Variants in FBXO34 observed in about 807,000 individuals in gnomAD.
FBXO34 encodes the protein F-box only protein 34.
Under a neutral mutation model 24.5 loss-of-function variants are expected in FBXO34, and 12 were observed. That is an observed-to-expected ratio of 0.49 (90% CI 0.31 to 0.79). The LOEUF (loss-of-function observed/expected upper bound fraction) is 0.79, where lower values mean the gene tolerates loss of function less well. FBXO34 is among the 30% of genes least tolerant of loss of function. The pLI is 0.04. For missense variants in FBXO34, 823 were observed against 857.7 expected, an observed-to-expected ratio of 0.96 and a Z score of 0.51; for synonymous variants, 320 against 311.9, an observed-to-expected ratio of 1.03 and a Z score of -0.27.
At chr14:55,402,893 CAAAAAAAAAAAAAAAAAAAA>C in the FBXO34 span, among the ~76,000 whole-genome samples, 4 of 11,100 alleles carry the variant, frequency 3.6e-4, no homozygotes, top group Non-Finnish European at 4.7e-4. Flanking sequence ...TCCATCTCTA[CAAAAAAAAAAAAAAAAAAAA>C]AAAAAAAAAA....
intron 1 of FBXO34, chr14:55,339,387 C>CCG (rs1555339090): frequency 2.7e-5 from 4 of 145,782 alleles, no homozygotes; most frequent in African/African-American, 1.0e-4. Flanking sequence ...TGCCCCCCCC[C>CCG]CCAATCCTGG....
chr14:55,279,310 T>C (rs904634347), intron 1 of FBXO34, among the ~76,000 whole-genome samples: 4 of 149,994 alleles, frequency 2.7e-5, no homozygotes, highest in African/African-American at 9.8e-5. Context: ...GGAAAAAATA[T>C]ATTTAGTGGG....
the FBXO34 span, among the ~76,000 whole-genome samples, chr14:55,431,050 C>T: frequency 2.6e-5 from 4 of 152,298 alleles, no homozygotes; most frequent in East Asian, 7.7e-4. Context: ...ATCTTAAAAT[C>T]TCACCCATAC....
chr14:55,354,793 C>G (rs1407757176), downstream of FBXO34, among the ~76,000 whole-genome samples: 1 of 152,150 alleles, frequency 6.6e-6, no homozygotes, highest in African/African-American at 2.4e-5. Context: ...AGATGCTGTT[C>G]TTCAGGGCCC....
chr14:55,282,014 T>TG, intron 1 of FBXO34, among the ~76,000 whole-genome samples: 2 of 138,908 alleles, frequency 1.4e-5, no homozygotes, highest in African/African-American at 5.2e-5. Context: ...TTTTTTTTTT[T>TG]TGATACAGAG....
chr14:55,300,664 T>C (rs67514154), intron 1 of FBXO34, among the ~76,000 whole-genome samples: 60,253 of 152,076 alleles, frequency 0.4, 12,203 homozygotes, highest in Non-Finnish European at 0.43. Flanking sequence ...ACATCTGTGG[T>C]TCAGTTCAAC....
chr14:55,352,671 A>T lies in FBXO34; in HGVS notation c.*145A>T. ...ACTGCATTGCTCAGGCATTTTCTAAACTCTAAATTTACGAGCTGTACAAAA... is the reference window on the plus strand; with the variant it reads ...ACTGCATTGCTCAGGCATTTTCTAATCTCTAAATTTACGAGCTGTACAAAA... On this transcript the variant is annotated 3_prime_UTR_variant, in exon 2 of 2. Transcript: ENST00000313833. 1 of 692,762 alleles carries T rather than the reference A, an allele frequency of 1.4e-6. No individual in the cohort carries two copies. The highest frequency in any genetic ancestry group is 3.1e-5 in the South Asian group (1 of 32,074). 42.9% of individuals were successfully genotyped at this position (692,762 alleles called of 1,614,324 possible).
the FBXO34 span, among the ~76,000 whole-genome samples, chr14:55,421,252 C>T: frequency 6.6e-6 from 1 of 151,840 alleles, no homozygotes; most frequent in African/African-American, 2.4e-5. Context: ...AGTGTGTTTC[C>T]CTAAGTAGGG....
the FBXO34 span, chr14:55,385,712 T>C: frequency 1.3e-6 from 1 of 770,304 alleles, no homozygotes. Context: ...CGGTGCGTAC[T>C]GTTTGTTGAA....
intron 1 of FBXO34, among the ~76,000 whole-genome samples, chr14:55,278,090 T>C (rs1337003074): frequency 6.6e-6 from 1 of 152,066 alleles, no homozygotes; most frequent in Non-Finnish European, 1.5e-5. Flanking sequence ...TTTAACTTCC[T>C]TGGGTAGGAC....
intron 1 of FBXO34, among the ~76,000 whole-genome samples, chr14:55,272,617 A>AT (rs57429957): frequency 0.12 from 16,896 of 143,228 alleles, 2,712 homozygotes; most frequent in African/African-American, 0.37. Flanking sequence ...ATCTTACATG[A>AT]TTTTTTTTTT....
At position 55,350,445 on chromosome 14, in the gene FBXO34, A is replaced by C. The variant is rs1378339447; in HGVS notation, c.55A>C (p.Ser19Arg). Residue 19 changes from serine to arginine, a missense_variant, in exon 2 of 2, where the codon AGC becomes CGC. Coordinates refer to ENST00000313833, the MANE Select transcript of FBXO34 (RefSeq NM_017943.4). ...LQKKEHPPEV[S>R]RETQRTPMNH... The stretch of plus-strand genomic sequence containing the variant: ...GAAGAAAGAGCACCCCCCGGAAGTC[A>C]GCAGGGAAACGCAGAGAACTCCTAT... The C allele has an allele frequency of 1.6e-5, 25 of 1,609,594 alleles. No individual in the cohort carries two copies. Among genetic ancestry groups the C allele is most frequent in the Non-Finnish European group, 2.0e-5 (24 of 1,178,546 alleles).
chr14:55,352,457 T>TAAA lies in FBXO34; in HGVS notation c.2067_2068insAAA (p.Pro689_Ala690insLys). On this transcript the variant is annotated inframe_insertion, in exon 2 of 2. Coordinates refer to ENST00000313833, the MANE Select transcript of FBXO34 (RefSeq NM_017943.4). ...GGCTTCATGACAATCACTGGGTTCCTGCCTGCCACAGCTTTAATCGGGCAA... is the reference window on the plus strand; with the variant it reads ...GGCTTCATGACAATCACTGGGTTCCTAAAGCCTGCCACAGCTTTAATCGGGCAA... The TAAA allele has an allele frequency of 6.2e-7, 1 of 1,614,142 alleles. No individual in the cohort carries two copies. The highest frequency in any genetic ancestry group is 8.5e-7 in the Non-Finnish European group (1 of 1,179,982).
At chr14:55,324,039 A>C (rs559892047) in intron 1 of FBXO34, among the ~76,000 whole-genome samples, 1 of 151,882 alleles carries the variant, frequency 6.6e-6, no homozygotes, top group African/African-American at 2.4e-5. Flanking sequence ...TGTCACCCCC[A>C]TGGGTGACAA....
At chr14:55,436,982 G>A in the FBXO34 span, 4 of 1,614,172 alleles carry the variant, frequency 2.5e-6, no homozygotes, top group Non-Finnish European at 3.4e-6. Context: ...GGTACAACTG[G>A]GCTGAACAGG....
the FBXO34 span, among the ~76,000 whole-genome samples, chr14:55,402,019 T>C: frequency 2.0e-5 from 3 of 152,226 alleles, no homozygotes; most frequent in Admixed American, 6.5e-5. Flanking sequence ...GCTACAATCA[T>C]GGGCAACTGA....
intron 1 of FBXO34, among the ~76,000 whole-genome samples, chr14:55,306,853 A>AAAACAAAAC (rs1555336753): frequency 6.6e-6 from 1 of 152,026 alleles, no homozygotes; most frequent in African/African-American, 2.4e-5. Context: ...AAAACAAAAC[A>AAAACAAAAC]AAAAACAGGC....
intron 1 of FBXO34, among the ~76,000 whole-genome samples, chr14:55,306,601 A>AG (rs1196251606): frequency 6.6e-6 from 1 of 152,154 alleles, no homozygotes; most frequent in Non-Finnish European, 1.5e-5. Context: ...TAGGAGGCCG[A>AG]GGGGGCAGAT....
the FBXO34 span, among the ~76,000 whole-genome samples, chr14:55,432,670 A>C: frequency 6.6e-6 from 1 of 152,226 alleles, no homozygotes; most frequent in Non-Finnish European, 1.5e-5. Context: ...TAGCAAATAT[A>C]AAAAGAATAT....
Sources: allele counts gnomAD v4.1 joint callset (sites outside exome capture counted in the v4.1 genomes callset), GRCh38; gene constraint gnomAD v4.1.1; transcripts MANE v1.5; gene names NCBI Gene and HGNC (gene_info 2026-07-23, HGNC 2026-07-21).